NAV2: variants seen among roughly 807,000 people sequenced by gnomAD.
NAV2 encodes the protein helicase, APC down-regulated 1.
Under a neutral mutation model 223.2 loss-of-function variants are expected in NAV2, and 54 were observed. The observed-to-expected ratio is 0.24, with a 90% CI of 0.19 to 0.30. NAV2 has a LOEUF of 0.30. Ranked by LOEUF, NAV2 falls within the 10% of genes least tolerant of loss-of-function variation. The pLI is 1.00. For missense variants in NAV2, 2,806 were observed against 3,147.5 expected, an observed-to-expected ratio of 0.89 and a Z score of 2.60; for synonymous variants, 1,279 against 1,239.3, an observed-to-expected ratio of 1.03 and a Z score of -0.67.
Position 20,048,788 on chromosome 11 carries a change from T to G in NAV2, c.3963T>G (p.Asn1321Lys). 6.2e-7 allele frequency: 1 copy of G among 1,613,990 alleles called. No individual in the cohort carries two copies. Among genetic ancestry groups the G allele is most frequent in the Non-Finnish European group, 8.5e-7 (1 of 1,179,988 alleles). The change falls in exon 15 of 38, where the codon AAT becomes AAG. Residue 1321 changes from asparagine to lysine, a missense_variant. By Grantham distance (94) the Asn-to-Lys change is moderately conservative (BLOSUM62 0). Coordinates refer to ENST00000349880, the MANE Select transcript of NAV2 (RefSeq NM_145117.5). Reference sequence around the variant, plus strand: ...TCGCCACAGCTGAAAACATGAAAAATTCGGTGGTCATCTCCAATCCTCATG... The same window carrying G: ...TCGCCACAGCTGAAAACATGAAAAAGTCGGTGGTCATCTCCAATCCTCATG... Reference protein sequence around the residue: ...VPIATAENMKNSVVISNPHAT... With the variant: ...VPIATAENMKKSVVISNPHAT...
chr11:19,816,735 A>G (rs967780676), intron 1 of NAV2, among the ~76,000 whole-genome samples: 1 of 152,224 alleles, frequency 6.6e-6, no homozygotes, highest in African/African-American at 2.4e-5. Flanking sequence ...ACATTTTGCA[A>G]TTGATCATTC....
chr11:19,630,080 C>G (rs2047301874), intron 1 of NAV2, among the ~76,000 whole-genome samples: 1 of 150,212 alleles, frequency 6.7e-6, no homozygotes, highest in Non-Finnish European at 1.5e-5. Context: ...CTGTGGTGAA[C>G]TTCTGGGGAA....
chr11:19,564,993 G>T (rs955878786), intron 1 of NAV2, among the ~76,000 whole-genome samples: 2 of 152,204 alleles, frequency 1.3e-5, no homozygotes, highest in Non-Finnish European at 2.9e-5. Flanking sequence ...AAGATAGCCA[G>T]GAGTGATGGC....
intron 1 of NAV2, among the ~76,000 whole-genome samples, chr11:19,715,768 T>C (rs1416773670): frequency 2.0e-5 from 3 of 152,188 alleles, no homozygotes; most frequent in Non-Finnish European, 4.4e-5. Flanking sequence ...CTTCCCTCTT[T>C]TGCCCTTGGT....
At chr11:19,840,551 C>T (rs532478534) in intron 2 of NAV2, among the ~76,000 whole-genome samples, 5 of 152,302 alleles carry the variant, frequency 3.3e-5, no homozygotes, top group Admixed American at 1.3e-4. Flanking sequence ...ATTTGGAAGA[C>T]ACCTTGACTG....
At chr11:19,782,888 C>T (rs10766593) in intron 1 of NAV2, among the ~76,000 whole-genome samples, 1 of 152,112 alleles carries the variant, frequency 6.6e-6, no homozygotes, top group East Asian at 1.9e-4. Flanking sequence ...AGATATTTGG[C>T]TGGGCTGAGA....
At chr11:19,677,127 G>A (rs187889854) in intron 1 of NAV2, among the ~76,000 whole-genome samples, 7 of 152,312 alleles carry the variant, frequency 4.6e-5, no homozygotes, top group South Asian at 2.1e-4. Context: ...AGCTGCAGTC[G>A]GGTCCAGACC....
In NAV2 at chr11:20,048,900, A is replaced by C; in HGVS notation, c.4075A>C (p.Asn1359His). 1 of 1,614,130 alleles carries C rather than the reference A, an allele frequency of 6.2e-7. No individual in the cohort carries two copies. The highest frequency in any genetic ancestry group is 8.5e-7 in the Non-Finnish European group (1 of 1,180,010). Residue 1359 changes from asparagine (N) to histidine (H), a missense_variant, in exon 15 of 38, where the codon AAT becomes CAT. Coordinates refer to ENST00000349880, the MANE Select transcript of NAV2 (RefSeq NM_145117.5). Reference sequence around the variant, plus strand: ...GAGCAGCAGTCCTCTCTACAGCAAGAATGTGGACCTCAACCAGTCTCCGCT... The same window carrying C: ...GAGCAGCAGTCCTCTCTACAGCAAGCATGTGGACCTCAACCAGTCTCCGCT... ...SGSSSPLYSK[N>H]VDLNQSPLAS...
At chr11:20,051,392 G>A in intron 17 of NAV2, 59 bp downstream of exon 17, 1 of 1,524,386 alleles carries the variant, frequency 6.6e-7, no homozygotes. Context: ...GCTTGGCTGT[G>A]TGACTCCTTC....
intron 1 of NAV2, among the ~76,000 whole-genome samples, chr11:19,387,762 C>G (rs760852882): frequency 1.3e-4 from 20 of 152,238 alleles, no homozygotes; most frequent in Admixed American, 2.6e-4. Flanking sequence ...AAGTCTTCCT[C>G]TTTGCTCTAA....
At chr11:19,670,399 C>A (rs2048545437) in intron 1 of NAV2, among the ~76,000 whole-genome samples, 1 of 152,194 alleles carries the variant, frequency 6.6e-6, no homozygotes, top group Non-Finnish European at 1.5e-5. Flanking sequence ...TCCGGGGACT[C>A]CCGCTGAGTT....
intron 5 of NAV2, among the ~76,000 whole-genome samples, chr11:19,889,277 G>C (rs2041289936): frequency 6.6e-6 from 1 of 152,082 alleles, no homozygotes; most frequent in Non-Finnish European, 1.5e-5. Context: ...ACCAAATTTT[G>C]CTGAAAATGT....
chr11:20,114,115 C>A (rs1051391639), intron 36 of NAV2, among the ~76,000 whole-genome samples: 21 of 152,220 alleles, frequency 1.4e-4, no homozygotes, highest in African/African-American at 4.6e-4. Flanking sequence ...TGGGTAGATG[C>A]ACCAAATGGA....
At chr11:20,090,554 T>G (rs1053073728) in intron 26 of NAV2, among the ~76,000 whole-genome samples, 2 of 148,190 alleles carry the variant, frequency 1.3e-5, no homozygotes, top group African/African-American at 5.0e-5. Flanking sequence ...AGGAAAAGAG[T>G]GAAAGACAAA....
intron 3 of NAV2, among the ~76,000 whole-genome samples, chr11:19,857,780 T>C (rs1168092848): frequency 6.6e-6 from 1 of 152,264 alleles, no homozygotes; most frequent in African/African-American, 2.4e-5. Flanking sequence ...CATTGTATAA[T>C]GATTTCCATA....
At chr11:19,968,541 G>A (rs4757872) in intron 10 of NAV2, among the ~76,000 whole-genome samples, 97,108 of 152,058 alleles carry the variant, frequency 0.64, 32,131 homozygotes, top group Middle Eastern at 0.74. Flanking sequence ...TCTTTAAAGT[G>A]TAAACATGTT....
chr11:19,680,197 C>T (rs2048845832), intron 1 of NAV2, among the ~76,000 whole-genome samples: 1 of 152,188 alleles, frequency 6.6e-6, no homozygotes, highest in Admixed American at 6.5e-5. Flanking sequence ...AGCTCTGGCC[C>T]CAGCACATCA....
intron 1 of NAV2, among the ~76,000 whole-genome samples, chr11:19,542,816 A>G (rs1224713979): frequency 2.0e-5 from 3 of 152,238 alleles, no homozygotes; most frequent in Admixed American, 6.5e-5. Flanking sequence ...CTAGAAGGCA[A>G]GAGCCAGGAG....
At chr11:19,345,278 A>G in the NAV2 span, among the ~76,000 whole-genome samples, 1 of 152,154 alleles carries the variant, frequency 6.6e-6, no homozygotes, top group Non-Finnish European at 1.5e-5. The surrounding 1 kb of genome is among the most constrained non-coding windows in gnomAD (Gnocchi z 5.2). Flanking sequence ...GACCGGCTGG[A>G]GGAGGCGGCT....
Sources: gnomAD v4.1 joint callset for allele counts (sites outside exome capture counted in the v4.1 genomes callset) on GRCh38, gnomAD v4.1.1 for gene constraint, Gnocchi (gnomAD v3.1) non-coding constraint, MANE v1.5 for transcripts, NCBI Gene and HGNC (gene_info 2026-07-23, HGNC 2026-07-21) for gene names.